The following TRIM37 variants were observed in gnomAD, a reference collection of about 807,000 sequenced individuals.
TRIM37 encodes E3 ubiquitin-protein ligase TRIM37.
In TRIM37, 80 loss-of-function variants were observed where a neutral mutation model predicts 129.8. The ratio of observed to expected loss-of-function variants is 0.62; its 90% confidence interval spans 0.51 to 0.74. The LOEUF (loss-of-function observed/expected upper bound fraction) is 0.74, where lower values mean the gene tolerates loss of function less well. TRIM37 is among the 30% of genes least tolerant of loss of function. The pLI is 0.00. For missense variants in TRIM37, 1,054 were observed against 1,176.5 expected (o/e 0.90, Z 1.52); for synonymous variants, 389 against 387.1 (o/e 1.00, Z -0.06).
intron 2 of TRIM37, 40 bp downstream of exon 2, chr17:59,104,253 C>G: frequency 6.6e-7 from 1 of 1,524,982 alleles, no homozygotes; most frequent in Non-Finnish European, 9.1e-7. Context: ...ACAATATATA[C>G]TATATATACT....
At chr17:59,077,248 TCA>T (rs1256378245) in intron 7 of TRIM37, among the ~76,000 whole-genome samples, 1 of 148,732 alleles carries the variant, frequency 6.7e-6, no homozygotes, top group East Asian at 2.0e-4. Flanking sequence ...GAACACACTA[TCA>T]CACCTGGCTA....
the TRIM37 span, among the ~76,000 whole-genome samples, chr17:58,975,528 G>C: frequency 6.6e-6 from 1 of 152,142 alleles, no homozygotes; most frequent in African/African-American, 2.4e-5. Context: ...TTCATACATA[G>C]AGTGACTTTT....
At chr17:59,069,105 G>T (rs939749184) in intron 9 of TRIM37, among the ~76,000 whole-genome samples, 1 of 152,148 alleles carries the variant, frequency 6.6e-6, no homozygotes, top group Non-Finnish European at 1.5e-5. Context: ...CCAGCACTTT[G>T]GGAGGTCGAG....
rs771713259 is a variant in TRIM37 at position 59,028,503 on chromosome 17, T to C, written c.2169A>G (p.Ala723=). 8.2e-5 allele frequency: 132 copies of C among 1,614,102 alleles called. 1 individual carries two copies. In the Middle Eastern group the frequency reaches 1.5e-3, roughly 18 times the overall value. The part of the protein sequence containing the change: ...LFSADQAALA[A]CGTENSGRLQ... ...ATCTGCCAGAGTTTTCAGTTCCACA[T>C]GCAGCCAGAGCTGCCTGGTCAGCAG... Residue 723 remains alanine (A), a synonymous_variant, in exon 19 of 24, where the codon GCA becomes GCG. Transcript: ENST00000262294.
intron 6 of TRIM37, 71 bp from the exon 7 acceptor site, chr17:59,079,948 T>C (rs1022199327): frequency 6.6e-7 from 1 of 1,513,846 alleles, no homozygotes; most frequent in Admixed American, 1.7e-5. Flanking sequence ...CATTATAATA[T>C]TGCCAAGAAT....
intron 18 of TRIM37, 77 bp from the exon 19 acceptor site, chr17:59,028,800 A>G: frequency 1.3e-6 from 2 of 1,488,504 alleles, no homozygotes; most frequent in Non-Finnish European, 1.9e-6. Flanking sequence ...ATATATGCAA[A>G]TTTGATGTGT....
At chr17:59,074,377 G>A (rs2042635142) in intron 8 of TRIM37, among the ~76,000 whole-genome samples, 2 of 152,096 alleles carry the variant, frequency 1.3e-5, no homozygotes, top group African/African-American at 2.4e-5. Context: ...TTAAGGTCCT[G>A]GGGCCAATGC....
At chr17:59,093,532 T>C (rs879552868) in intron 2 of TRIM37, among the ~76,000 whole-genome samples, 3 of 152,196 alleles carry the variant, frequency 2.0e-5, no homozygotes, top group Non-Finnish European at 4.4e-5. Flanking sequence ...TTAGATACAA[T>C]TGCCATGCTC....
chr17:59,061,939 T>A (rs1055023601), intron 11 of TRIM37, among the ~76,000 whole-genome samples: 3 of 151,738 alleles, frequency 2.0e-5, no homozygotes, highest in Non-Finnish European at 4.4e-5. Context: ...TCAGTAGATA[T>A]CAATGAATAA....
At chr17:59,103,830 T>A (rs969136873) in intron 2 of TRIM37, among the ~76,000 whole-genome samples, 3 of 151,690 alleles carry the variant, frequency 2.0e-5, no homozygotes, top group Admixed American at 6.6e-5. Flanking sequence ...GTATTTTTAG[T>A]AGAGACAGGG....
intron 24 of TRIM37, among the ~76,000 whole-genome samples, chr17:58,986,878 G>C (rs1825315311): frequency 6.6e-6 from 1 of 152,126 alleles, no homozygotes; most frequent in Non-Finnish European, 1.5e-5. Context: ...ACCTCCTTTT[G>C]CTTGGCCTAG....
intron 3 of TRIM37, among the ~76,000 whole-genome samples, chr17:59,089,581 C>A (rs776018910): frequency 2.4e-4 from 36 of 152,094 alleles, no homozygotes; most frequent in Non-Finnish European, 5.1e-4. Flanking sequence ...TCAGAGGTTG[C>A]AGTGAGCCAA....
chr17:59,015,507 T>TC, intron 21 of TRIM37, 103 bp downstream of exon 21: 1 of 1,219,152 alleles, frequency 8.2e-7, no homozygotes. Flanking sequence ...CACTAAAAAA[T>TC]TAACAAGGTA....
At chr17:59,106,290 G>A in intron 1 of TRIM37, 151 bp downstream of exon 1, 1 of 870,388 alleles carries the variant, frequency 1.1e-6, no homozygotes. Context: ...GAATGGGCAC[G>A]GCATCCTTGG....
At chr17:59,082,812 T>C (rs1475486473) in intron 5 of TRIM37, among the ~76,000 whole-genome samples, 1 of 152,222 alleles carries the variant, frequency 6.6e-6, no homozygotes, top group African/African-American at 2.4e-5. Flanking sequence ...CATGTTCACT[T>C]TAAGTATAGA....
At chr17:59,037,040 G>T (rs947409506) in intron 17 of TRIM37, among the ~76,000 whole-genome samples, 1 of 152,024 alleles carries the variant, frequency 6.6e-6, no homozygotes, top group African/African-American at 2.4e-5. Context: ...GCTTGAACCC[G>T]GGAGGCAGAG....
chr17:58,984,539 CTTTAA>C (rs780308044), intron 24 of TRIM37: 10 of 152,640 alleles, frequency 6.6e-5, no homozygotes, highest in South Asian at 6.2e-4. Flanking sequence ...TTTGTCCACA[CTTTAA>C]TTTGAGACCA....
intron 17 of TRIM37, among the ~76,000 whole-genome samples, chr17:59,032,354 T>C (rs1336479617): frequency 6.7e-6 from 1 of 150,078 alleles, no homozygotes; most frequent in Non-Finnish European, 1.5e-5. Flanking sequence ...TGAAACCCCG[T>C]CTCTACTAAA....
chr17:59,058,850 C>T lies in TRIM37; in HGVS notation c.1020-1796G>A, dbSNP rs116578629. The stretch of plus-strand genomic sequence containing the variant: ...CTGTGCTCCAGCCTCAGTGACACAG[C>T]AAGACCCTGTCTCAAAAAGAAAAGA... On this transcript the variant is annotated intron_variant, in intron 12 of 23. Transcript: ENST00000262294. Among the ~76,000 whole-genome samples, 995 of 152,160 alleles carry T rather than the reference C, an allele frequency of 6.5e-3. 7 individuals carry two copies. Among genetic ancestry groups the T allele is most frequent in the African/African-American group, 0.022 (931 of 41,516 alleles).
Sources: gnomAD v4.1 joint callset for allele counts (sites outside exome capture counted in the v4.1 genomes callset) on GRCh38, gnomAD v4.1.1 for gene constraint, MANE v1.5 for transcripts, NCBI Gene and HGNC (gene_info 2026-07-23, HGNC 2026-07-21) for gene names.